Variants in PITPNM2 observed in about 807,000 individuals in gnomAD.
PITPNM2 encodes the protein membrane-associated phosphatidylinositol transfer protein 2.
Under a neutral mutation model 132.2 loss-of-function variants are expected in PITPNM2, and 35 were observed. The observed-to-expected ratio is 0.26, with a 90% confidence interval of 0.20 to 0.35. PITPNM2 has a LOEUF of 0.35. PITPNM2 is among the 10% of genes least tolerant of loss of function. PITPNM2 has a pLI of 1.00. For synonymous variants in PITPNM2, 738 were observed against 799.2 expected (o/e 0.92, Z 1.29); for missense variants, 1,332 against 1,912.0 (o/e 0.70, Z 5.66).
In PITPNM2 at chr12:123,005,610, C is replaced by A; in HGVS notation, c.644-62G>T. 1 of 1,528,902 alleles carries A rather than the reference C, an allele frequency of 6.5e-7. No individual in the cohort carries two copies. The highest frequency in any genetic ancestry group is 8.9e-7 in the Non-Finnish European group (1 of 1,127,968). 94.7% of individuals were successfully genotyped at this position (1,528,902 alleles called of 1,614,324 possible). ...GGAGGGAGGTCAGCGCAGGAGCCTG[C>A]ACGGAAGTGTGGGGCCCAGGCAGGG... On this transcript the variant is annotated intron_variant, in intron 6 of 25. Transcript: ENST00000320201. The surrounding 1 kb of genome is among the most constrained non-coding windows in gnomAD (Gnocchi z 6.2).
rs971728842 is a variant in PITPNM2 at position 122,993,198 on chromosome 12, G to A, written c.2234-529C>T. ...TGGTTTGCAGTACAGAAGAGCATAT[G>A]ATGAAGGGCACATGGTGGAAACCCC... On this transcript the variant is annotated intron_variant, in intron 15 of 25. Transcript: ENST00000320201. This position sits in a 1 kb window ranked among gnomAD's most constrained non-coding sequence, Gnocchi z 5.2. Among the ~76,000 whole-genome samples the A allele has an allele frequency of 6.6e-6, 1 of 152,136 alleles. No individual in the cohort carries two copies. The highest frequency in any genetic ancestry group is 1.5e-5 in the Non-Finnish European group (1 of 68,028).
At chr12:123,093,030 G>A (rs771573754) in intron 2 of PITPNM2, among the ~76,000 whole-genome samples, 1 of 152,234 alleles carries the variant, frequency 6.6e-6, no homozygotes, top group Non-Finnish European at 1.5e-5. Flanking sequence ...CACAGTGGAA[G>A]ATGATTGCAC....
chr12:123,104,484 C>T (rs917512631), intron 2 of PITPNM2, among the ~76,000 whole-genome samples: 10 of 152,196 alleles, frequency 6.6e-5, no homozygotes, highest in African/African-American at 1.2e-4. Context: ...GATGACATTC[C>T]ACCACAAAAG....
intron 3 of PITPNM2, among the ~76,000 whole-genome samples, chr12:123,029,827 C>CTGTGTG (rs57222285): frequency 4.3e-4 from 58 of 135,582 alleles, no homozygotes; most frequent in Non-Finnish European, 5.8e-4. Context: ...ACATATGTGT[C>CTGTGTG]TGTGTGTGTG....
Position 123,111,935 on chromosome 12 carries a change from G to T in PITPNM2, c.-199-1447C>A, listed in dbSNP as rs1280604248. 6.6e-6 allele frequency among the ~76,000 whole-genome samples: 1 copy of T among 152,180 alleles called. No homozygotes were observed. The highest frequency in any genetic ancestry group is 1.5e-5 in the Non-Finnish European group (1 of 68,030). On this transcript the variant is annotated intron_variant, in intron 1 of 25. Coordinates refer to ENST00000320201, the MANE Select transcript of PITPNM2 (RefSeq NM_020845.3). This position sits in a 1 kb window ranked among gnomAD's most constrained non-coding sequence, Gnocchi z 4.1. ...TCGAGGTGAGGAAAGCTGTTGAGAGGGTTGAGGGTTTGCCATGGTAACGCA... is the reference window on the plus strand; with the variant it reads ...TCGAGGTGAGGAAAGCTGTTGAGAGTGTTGAGGGTTTGCCATGGTAACGCA...
At position 123,129,933 on chromosome 12, in the gene PITPNM2, C is replaced by G. The variant is rs144144716; in HGVS notation, c.-199-19445G>C. Among the ~76,000 whole-genome samples the G allele has an allele frequency of 9.4e-3, 1,416 of 150,482 alleles. 20 individuals are homozygous for G. Among genetic ancestry groups the G allele is most frequent in the African/African-American group, 0.032 (1,329 of 40,960 alleles). Reference sequence around the variant, plus strand: ...CGTTTTTTTTTTTTTGAGATGAGGTCTTGCTCTGTTGCCCAAGCTGGAGTG... The same window carrying G: ...CGTTTTTTTTTTTTTGAGATGAGGTGTTGCTCTGTTGCCCAAGCTGGAGTG... On this transcript the variant is annotated intron_variant, in intron 1 of 25. Transcript: ENST00000320201.
At chr12:123,125,643 G>C (rs543323890) in intron 1 of PITPNM2, among the ~76,000 whole-genome samples, 7 of 151,682 alleles carry the variant, frequency 4.6e-5, no homozygotes, top group Middle Eastern at 3.4e-3. Context: ...AGGAGTTTGA[G>C]ACCAGCCTGA....
chr12:123,005,798 C>G lies in PITPNM2; in HGVS notation c.644-250G>C, dbSNP rs566693257. The stretch of plus-strand genomic sequence containing the variant: ...GAGGGGCCTCCCAAAGCAATGTGTC[C>G]GGTCAGAAGCCACAGTTGGAAGGGC... On this transcript the variant is annotated intron_variant, in intron 6 of 25. Transcript: ENST00000320201. This position sits in a 1 kb window ranked among gnomAD's most constrained non-coding sequence, Gnocchi z 6.2. The G allele has an allele frequency of 1.9e-6, 1 of 530,490 alleles. No individual in the cohort carries two copies. Among genetic ancestry groups the G allele is most frequent in the African/African-American group, 1.9e-5 (1 of 52,740 alleles). 32.9% of individuals were successfully genotyped at this position (530,490 alleles called of 1,614,324 possible). A position where few individuals can be genotyped will look rare whatever the true frequency, so the allele number is the denominator to read the frequency against.
chr12:122,996,202 C>G (rs1349507824), intron 13 of PITPNM2, among the ~76,000 whole-genome samples: 3 of 152,240 alleles, frequency 2.0e-5, no homozygotes. Flanking sequence ...CCCCTGCACC[C>G]CCAACCCCTC....
chr12:123,048,070 G>A (rs2040719646), intron 2 of PITPNM2, among the ~76,000 whole-genome samples: 1 of 147,630 alleles, frequency 6.8e-6, no homozygotes, highest in South Asian at 2.1e-4. Context: ...CTGTACTCCA[G>A]CCTGGGCAAC....
chr12:123,147,294 G>A (rs557788645), intron 1 of PITPNM2, among the ~76,000 whole-genome samples: 3 of 152,102 alleles, frequency 2.0e-5, no homozygotes, highest in African/African-American at 7.2e-5. Context: ...CTGTGAGTTA[G>A]TGTGTTAGGT....
chr12:122,984,684 AC>A lies in PITPNM2; in HGVS notation c.*1342del, dbSNP rs1164655021. The A allele has an allele frequency of 6.6e-6, 1 of 151,274 alleles. No individual in the cohort carries two copies. The highest frequency in any genetic ancestry group is 2.4e-5 in the African/African-American group (1 of 41,136). The allele number at this position is 151,274 out of a possible 1,614,324, so 9.4% of individuals were successfully genotyped here. On this transcript the variant is annotated 3_prime_UTR_variant, in exon 26 of 26. Transcript: ENST00000320201. ...CCCGGTCCATGCGTCCCAACACCAG[AC>A]CCAGGTCGGCCGTAGCTTCTCGGGG...
chr12:123,046,463 C>T (rs1048081348), intron 2 of PITPNM2, among the ~76,000 whole-genome samples: 2 of 152,190 alleles, frequency 1.3e-5, no homozygotes, highest in African/African-American at 4.8e-5. Flanking sequence ...AACTCACATG[C>T]CATGTAATTC....
chr12:123,032,157 T>C (rs938575650), intron 3 of PITPNM2, among the ~76,000 whole-genome samples: 1 of 152,214 alleles, frequency 6.6e-6, no homozygotes, highest in Non-Finnish European at 1.5e-5. Flanking sequence ...GTTACATTCA[T>C]TCGAGGCATA....
At chr12:123,113,197 A>C (rs1041301081) in intron 1 of PITPNM2, among the ~76,000 whole-genome samples, 1 of 152,204 alleles carries the variant, frequency 6.6e-6, no homozygotes, top group African/African-American at 2.4e-5. Flanking sequence ...GTGCTGCCGA[A>C]GTTAAACACT....
At chr12:123,130,766 C>T (rs537906644) in intron 1 of PITPNM2, among the ~76,000 whole-genome samples, 110 of 152,046 alleles carry the variant, frequency 7.2e-4, no homozygotes, top group Non-Finnish European at 1.2e-3. Flanking sequence ...GGTGACAGAG[C>T]GAGACTCCAT....
In PITPNM2 at chr12:123,127,435, C is replaced by T. The variant is rs145780530; in HGVS notation, c.-199-16947G>A. 2.1e-4 allele frequency among the ~76,000 whole-genome samples: 32 copies of T among 152,252 alleles called. No individual in the cohort carries two copies. The South Asian group carries it at 3.9e-3, about 19-fold the overall frequency. ...CAAATTCAACAATGGTTTCCACTGACGCATAGAAAAACAATGGTGTTTGCC... is the reference window on the plus strand; with the variant it reads ...CAAATTCAACAATGGTTTCCACTGATGCATAGAAAAACAATGGTGTTTGCC... On this transcript the variant is annotated intron_variant, in intron 1 of 25. Coordinates refer to ENST00000320201, the MANE Select transcript of PITPNM2 (RefSeq NM_020845.3).
intron 2 of PITPNM2, among the ~76,000 whole-genome samples, chr12:123,067,556 A>G (rs1445468612): frequency 6.6e-6 from 1 of 152,154 alleles, no homozygotes; most frequent in Non-Finnish European, 1.5e-5. Context: ...GTGAAGGCAG[A>G]GGCAGAGACT....
At chr12:123,056,124 T>C (rs914379897) in intron 2 of PITPNM2, among the ~76,000 whole-genome samples, 2 of 152,180 alleles carry the variant, frequency 1.3e-5, no homozygotes, top group Non-Finnish European at 2.9e-5. Flanking sequence ...TTAGGAGCCC[T>C]GCAGCTTGAG....
Sources: allele counts gnomAD v4.1 joint callset (sites outside exome capture counted in the v4.1 genomes callset), GRCh38; gene constraint gnomAD v4.1.1; non-coding constraint Gnocchi (gnomAD v3.1); transcripts MANE v1.5; gene names NCBI Gene and HGNC (gene_info 2026-07-23, HGNC 2026-07-21).